The following ERICH3 variants were observed in gnomAD, a reference collection of about 807,000 sequenced individuals.
ERICH3 encodes glutamate rich 3.
ERICH3 carries 126 observed loss-of-function variants against 131.1 expected under a neutral mutation model. The observed-to-expected ratio is 0.96, with a 90% CI of 0.83 to 1.11. ERICH3 has a LOEUF of 1.11. ERICH3 is among the 50% of genes most tolerant of loss of function. The pLI, the probability that ERICH3 is intolerant of heterozygous loss-of-function variation, is 0.00. For missense variants in ERICH3, 2,050 were observed against 1,810.7 expected (o/e 1.13, Z -2.40); for synonymous variants, 695 against 644.6 (o/e 1.08, Z -1.18).
rs1203965688 is a variant in ERICH3 at position 74,631,847 on chromosome 1, T to C, written c.685A>G (p.Ser229Gly). The C allele has an allele frequency of 1.9e-6, 3 of 1,613,432 alleles. No individual in the cohort carries two copies. The highest frequency in any genetic ancestry group is 2.5e-6 in the Non-Finnish European group (3 of 1,179,616). ...MNSYQLPNIN[S>G]YMMPIPPPLP... ...GGAGGAGGAATAGGCATCATGTAAC[T>C]GTTAATGTTTGGAAGTTGATATGAA... Residue 229 changes from serine (S) to glycine (G), a missense_variant, in exon 7 of 15, where the codon AGT becomes GGT. Ser to Gly is a moderately conservative substitution (Grantham distance 56, BLOSUM62 0). Coordinates refer to ENST00000326665, the MANE Select transcript of ERICH3 (RefSeq NM_001002912.5).
At position 74,571,584 on chromosome 1, in the gene ERICH3, A is replaced by T. The variant is rs1160966464; in HGVS notation, c.4126T>A (p.Ser1376Thr). Reference protein sequence around the residue: ...AEEKTIANKASSFSDVAEEET... With the variant: ...AEEKTIANKATSFSDVAEEET... ...TCCTCAGCAACATCTGAAAAGGAGGAGGCTTTATTTGCTATTGTTTTCTCC... is the reference window on the plus strand; with the variant it reads ...TCCTCAGCAACATCTGAAAAGGAGGTGGCTTTATTTGCTATTGTTTTCTCC... Residue 1376 changes from serine to threonine, a missense_variant, in exon 14 of 15, where the codon TCC becomes ACC. Transcript: ENST00000326665. 3.1e-6 allele frequency: 5 copies of T among 1,613,750 alleles called. No homozygotes were observed. In the African/African-American group the frequency reaches 6.7e-5, roughly 22 times the overall value.
At chr1:74,610,588 T>G (rs940419042) in intron 9 of ERICH3, among the ~76,000 whole-genome samples, 3 of 151,748 alleles carry the variant, frequency 2.0e-5, no homozygotes, top group Non-Finnish European at 2.9e-5. Context: ...TATTAGCATA[T>G]AAACATATTA....
intron 7 of ERICH3, chr1:74,625,905 C>G (rs1052928268): frequency 1.3e-5 from 2 of 152,152 alleles, no homozygotes; most frequent in Non-Finnish European, 2.9e-5. Flanking sequence ...GGACAGCAGC[C>G]ACTTCTCCCA....
At chr1:74,600,181 T>C (rs1265843288) in intron 10 of ERICH3, among the ~76,000 whole-genome samples, 1 of 151,682 alleles carries the variant, frequency 6.6e-6, no homozygotes, top group Non-Finnish European at 1.5e-5. Context: ...TAAAAGTTCA[T>C]TTACAAATGA....
intron 1 of ERICH3, among the ~76,000 whole-genome samples, chr1:74,650,122 A>G (rs1646520192): frequency 6.6e-6 from 1 of 152,146 alleles, no homozygotes. Context: ...TTATTGTTAT[A>G]AGTTCCTAAC....
At chr1:74,623,115 A>C (rs1048395350) in intron 7 of ERICH3, 1 of 152,230 alleles carries the variant, frequency 6.6e-6, no homozygotes, top group Non-Finnish European at 1.5e-5. Context: ...CCTTTCTGCT[A>C]TCCTCAAGTA....
intron 10 of ERICH3, among the ~76,000 whole-genome samples, chr1:74,601,390 T>C (rs1203612051): frequency 1.3e-5 from 2 of 151,846 alleles, no homozygotes; most frequent in Admixed American, 6.6e-5. Context: ...TGAAAGACTC[T>C]CCAATTTTTA....
intron 7 of ERICH3, among the ~76,000 whole-genome samples, chr1:74,627,631 A>G (rs1389265010): frequency 6.6e-6 from 1 of 152,102 alleles, no homozygotes; most frequent in Non-Finnish European, 1.5e-5. Context: ...TAAAAGTGAA[A>G]GGAATATATA....
rs1195875791 is a variant in ERICH3, at chr1:74,581,928, G to A, written c.2177-4992C>T. ...AGAGGAGAAAGGAAAGGAAAGTGGG[G>A]CTTTGAACCCTCTTAGCAGAAATGT... On this transcript the variant is annotated intron_variant, in intron 12 of 14. Coordinates refer to ENST00000326665, the MANE Select transcript of ERICH3 (RefSeq NM_001002912.5). 2.0e-5 allele frequency among the ~76,000 whole-genome samples: 3 copies of A among 152,168 alleles called. No homozygotes were observed. In the South Asian group the frequency reaches 6.2e-4, roughly 31 times the overall value.
intron 11 of ERICH3, among the ~76,000 whole-genome samples, chr1:74,597,237 C>T (rs1647895282): frequency 6.6e-6 from 1 of 151,818 alleles, no homozygotes; most frequent in African/African-American, 2.4e-5. Flanking sequence ...TACTAAAAGA[C>T]ATGTTTATGC....
intron 10 of ERICH3, among the ~76,000 whole-genome samples, chr1:74,601,580 G>A (rs1177337989): frequency 6.6e-6 from 1 of 151,834 alleles, no homozygotes; most frequent in Non-Finnish European, 1.5e-5. Context: ...ATGAAAGGAG[G>A]ATGGAAAGTC....
intron 5 of ERICH3, among the ~76,000 whole-genome samples, chr1:74,637,715 T>C (rs1646401875): frequency 6.6e-6 from 1 of 151,756 alleles, no homozygotes; most frequent in Non-Finnish European, 1.5e-5. Context: ...AGCCCAGGAG[T>C]TGGAGATCGA....
At chr1:74,605,217 C>G (rs139826627) in intron 10 of ERICH3, among the ~76,000 whole-genome samples, 148 of 152,082 alleles carry the variant, frequency 9.7e-4, no homozygotes, top group African/African-American at 3.3e-3. Flanking sequence ...TCACCTCTCT[C>G]AGCCTTCATA....
At chr1:74,645,545 T>G (rs993315694) in intron 3 of ERICH3, among the ~76,000 whole-genome samples, 1 of 151,996 alleles carries the variant, frequency 6.6e-6, no homozygotes, top group Non-Finnish European at 1.5e-5. Flanking sequence ...TCACAGGGTG[T>G]TAAGTGAGAT....
intron 5 of ERICH3, among the ~76,000 whole-genome samples, chr1:74,639,828 C>A (rs1270090540): frequency 6.6e-6 from 1 of 152,072 alleles, no homozygotes. Context: ...ATGGCAAGAT[C>A]TCAAAAGGAT....
At chr1:74,642,931 T>C in intron 4 of ERICH3, 96 bp downstream of exon 4, 1 of 905,008 alleles carries the variant, frequency 1.1e-6, no homozygotes, top group East Asian at 2.7e-5. Flanking sequence ...TAACCAAAAG[T>C]AAAGTGTCCC....
At chr1:74,577,004 A>G in intron 12 of ERICH3, 68 bp from the exon 13 acceptor site, 3 of 1,449,162 alleles carry the variant, frequency 2.1e-6, no homozygotes, top group Non-Finnish European at 2.8e-6. Context: ...ATGGTTCTCC[A>G]TCTCTCCAGT....
intron 2 of ERICH3, 23 bp downstream of exon 2, chr1:74,649,199 G>A (rs1646510839): frequency 1.9e-6 from 3 of 1,541,888 alleles, no homozygotes; most frequent in Non-Finnish European, 2.7e-6. Context: ...AAGAAGGTCA[G>A]TGGAAAGTAA....
chr1:74,657,143 G>A (rs1448952024), intron 1 of ERICH3, among the ~76,000 whole-genome samples: 3 of 152,132 alleles, frequency 2.0e-5, no homozygotes, highest in Non-Finnish European at 2.9e-5. Context: ...TATGGCAGAA[G>A]CATATTTTAT....
Sources: allele counts gnomAD v4.1 joint callset (sites outside exome capture counted in the v4.1 genomes callset), GRCh38; gene constraint gnomAD v4.1.1; transcripts MANE v1.5; gene names NCBI Gene and HGNC (gene_info 2026-07-23, HGNC 2026-07-21).